Variants in SPG21 observed in about 807,000 individuals in gnomAD.
The protein encoded by SPG21 is SPG21 abhydrolase domain containing, maspardin, also known as maspardin.
In SPG21, 26 loss-of-function variants were observed where a neutral mutation model predicts 38.9. That is an observed-to-expected ratio of 0.67 (90% confidence interval 0.49 to 0.93). The LOEUF (loss-of-function observed/expected upper bound fraction) is 0.93, where lower values mean the gene tolerates loss of function less well. Among genes scored for constraint, SPG21 ranks in the 40% least tolerant of loss-of-function variants. The pLI is 0.00. For synonymous variants in SPG21, 136 were observed against 128.9 expected (o/e 1.05, Z -0.37); for missense variants, 333 against 376.5 (o/e 0.88, Z 0.96).
At position 64,965,454 on chromosome 15, in the gene SPG21, C is replaced by A; in HGVS notation, c.676G>T (p.Asp226Tyr). ...GCTTCAGTTGAAAGCGCACTCTGAT[C>A]AAACACCTTTAAAAAACACAAAGCT... ...DIPVTIMDVF[D>Y]QSALSTEAKE... The change falls in exon 8 of 9, where the codon GAT (aspartate) becomes TAT (tyrosine). Residue 226 changes from aspartate to tyrosine, a missense_variant. Asp to Tyr is a radical substitution (Grantham distance 160). Coordinates refer to ENST00000204566, the MANE Select transcript of SPG21 (RefSeq NM_016630.7). The A allele has an allele frequency of 6.2e-7, 1 of 1,614,090 alleles. No homozygotes were observed. Among genetic ancestry groups the A allele is most frequent in the Non-Finnish European group, 8.5e-7 (1 of 1,179,994 alleles).
intron 1 of SPG21, among the ~76,000 whole-genome samples, chr15:64,985,119 T>C (rs2085965737): frequency 6.6e-6 from 1 of 152,204 alleles, no homozygotes; most frequent in Non-Finnish European, 1.5e-5. Flanking sequence ...AGTTACACAA[T>C]GTCCTCAGAA....
chr15:64,980,912 A>G lies in SPG21; in HGVS notation c.177T>C (p.Phe59=), dbSNP rs2085872082. 5.0e-6 allele frequency: 8 copies of G among 1,614,166 alleles called. No homozygotes were observed. The highest frequency in any genetic ancestry group is 6.8e-6 in the Non-Finnish European group (8 of 1,180,028). The change falls in exon 3 of 9, where the codon TTT becomes TTC. Residue 59 remains phenylalanine, a synonymous_variant. Coordinates refer to ENST00000204566, the MANE Select transcript of SPG21 (RefSeq NM_016630.7). ...LPPVSGTADV[F]FRQILALTGW... ...CAGTCAGAGCCAAAATCTGCCGGAA[A>G]AAGACATCTGCAGTTCCACTGACAG...
chr15:64,965,450 T>C lies in SPG21; in HGVS notation c.680A>G (p.Gln227Arg), dbSNP rs1390543919. The C allele has an allele frequency of 4.3e-6, 7 of 1,614,194 alleles. No homozygotes were observed. Among genetic ancestry groups the C allele is most frequent in the Non-Finnish European group, 5.9e-6 (7 of 1,180,026 alleles). The change falls in exon 8 of 9, where the codon CAG (glutamine) becomes CGG (arginine). Residue 227 changes from glutamine (Q) to arginine (R), a missense_variant. Gln to Arg is a conservative substitution (Grantham distance 43). Transcript: ENST00000204566. ...IPVTIMDVFDQSALSTEAKEE... is the reference protein window; with the variant it reads ...IPVTIMDVFDRSALSTEAKEE... ...TTTAGCTTCAGTTGAAAGCGCACTC[T>C]GATCAAACACCTTTAAAAAACACAA...
chr15:64,976,162 C>T (rs1181971471), intron 4 of SPG21, among the ~76,000 whole-genome samples: 3 of 152,194 alleles, frequency 2.0e-5, no homozygotes, highest in Non-Finnish European at 2.9e-5. Context: ...CGGTGGCTCA[C>T]GCCTGTAATC....
In SPG21 at chr15:64,963,750, G is replaced by A; in HGVS notation, c.811-14C>T. The A allele has an allele frequency of 1.2e-6, 2 of 1,606,526 alleles. No homozygotes were observed. The highest frequency in any genetic ancestry group is 1.7e-6 in the Non-Finnish European group (2 of 1,173,358). On this transcript the variant is annotated splice_polypyrimidine_tract_variant and intron_variant, in intron 8 of 8. Transcript: ENST00000204566. ...CAGCAAATGTATCTGTTGAAATGCA[G>A]AATCATTATTTTATTTATTTTTTGA...
intron 4 of SPG21, among the ~76,000 whole-genome samples, chr15:64,975,620 A>G (rs1480444312): frequency 6.6e-6 from 1 of 152,126 alleles, no homozygotes; most frequent in Non-Finnish European, 1.5e-5. Flanking sequence ...ACACATACCT[A>G]AGAGAACTGA....
intron 7 of SPG21, among the ~76,000 whole-genome samples, chr15:64,967,693 G>A (rs1463799439): frequency 2.6e-5 from 4 of 152,016 alleles, no homozygotes; most frequent in African/African-American, 4.8e-5. Context: ...GGATGGTCTC[G>A]ATCTCTTGAC....
At chr15:64,983,385 CCA>C (rs2085922011) in intron 2 of SPG21, 120 bp downstream of exon 2, 1 of 721,982 alleles carries the variant, frequency 1.4e-6, no homozygotes, top group Admixed American at 2.2e-5. Flanking sequence ...CCTCTGCAAC[CCA>C]CAGTCATGAT....
chr15:64,964,533 G>A (rs996067497), intron 8 of SPG21, among the ~76,000 whole-genome samples: 1 of 152,128 alleles, frequency 6.6e-6, no homozygotes, highest in Non-Finnish European at 1.5e-5. Context: ...TAAGGCTCTT[G>A]ATTCATCTTG....
intron 7 of SPG21, among the ~76,000 whole-genome samples, chr15:64,966,288 T>G (rs985350549): frequency 6.6e-6 from 1 of 152,194 alleles, no homozygotes; most frequent in Admixed American, 6.5e-5. Context: ...CATACACATT[T>G]ACGTTTTTAC....
intron 3 of SPG21, 65 bp downstream of exon 3, chr15:64,980,799 G>A (rs1417729328): frequency 6.5e-7 from 1 of 1,548,690 alleles, no homozygotes; most frequent in Non-Finnish European, 8.9e-7. Flanking sequence ...GCTGATGAGA[G>A]ACAGAAGCAT....
intron 5 of SPG21, among the ~76,000 whole-genome samples, chr15:64,972,399 A>C (rs1310467375): frequency 5.9e-5 from 9 of 152,210 alleles, no homozygotes; most frequent in Non-Finnish European, 1.3e-4. Context: ...GCATTCTAAC[A>C]ATTAGAACAG....
chr15:64,970,003 C>T (rs1008742765), intron 6 of SPG21, 111 bp downstream of exon 6: 5 of 931,118 alleles, frequency 5.4e-6, no homozygotes, highest in Non-Finnish European at 8.8e-6. Context: ...TATTACTCTG[C>T]TTAGCAAATA....
At position 64,963,553 on chromosome 15, in the gene SPG21, G is replaced by C. The variant is rs555712994; in HGVS notation, c.*67C>G. On this transcript the variant is annotated 3_prime_UTR_variant, in exon 9 of 9. Coordinates refer to ENST00000204566, the MANE Select transcript of SPG21 (RefSeq NM_016630.7). ...AACCTGAAGGAAAAGGCTGGCTGAC[G>C]GGTGCTGATGCCACTGACTATACAA... 4 of 1,334,592 alleles carry C rather than the reference G, an allele frequency of 3.0e-6. No homozygotes were observed. Among genetic ancestry groups the C allele is most frequent in the African/African-American group, 1.4e-5 (1 of 69,420 alleles). The allele number at this position is 1,334,592 out of a possible 1,614,324, so 82.7% of individuals were successfully genotyped here.
At chr15:64,978,021 C>G (rs551117442) in intron 3 of SPG21, among the ~76,000 whole-genome samples, 1 of 151,590 alleles carries the variant, frequency 6.6e-6, no homozygotes, top group South Asian at 2.1e-4. Flanking sequence ...TTAGTAGAGA[C>G]GGGGTTTCAC....
At chr15:64,981,689 A>AT (rs2085889681) in intron 2 of SPG21, 1 of 152,152 alleles carries the variant, frequency 6.6e-6, no homozygotes, top group African/African-American at 2.4e-5. Context: ...AAAAAAAAAA[A>AT]AGGCAAGCTG....
chr15:64,980,149 T>C (rs2085854372), intron 3 of SPG21, among the ~76,000 whole-genome samples: 1 of 152,146 alleles, frequency 6.6e-6, no homozygotes, highest in Admixed American at 6.6e-5. Context: ...AGTGCTGTGA[T>C]AAAATGAGGA....
chr15:64,982,142 CTTTT>C (rs56118434), intron 2 of SPG21, among the ~76,000 whole-genome samples: 2 of 114,622 alleles, frequency 1.7e-5, no homozygotes. Flanking sequence ...CTTTTCTTTT[CTTTT>C]TTTTTTTTTT....
At chr15:64,971,255 C>T (rs928561818) in intron 5 of SPG21, among the ~76,000 whole-genome samples, 10 of 151,612 alleles carry the variant, frequency 6.6e-5, no homozygotes, top group Non-Finnish European at 1.3e-4. Context: ...CTGGGGGAGC[C>T]GGGGCCAGGC....
Sources: gnomAD v4.1 joint callset for allele counts (sites outside exome capture counted in the v4.1 genomes callset) on GRCh38, gnomAD v4.1.1 for gene constraint, MANE v1.5 for transcripts, NCBI Gene and HGNC (gene_info 2026-07-23, HGNC 2026-07-21) for gene names.